PTPN23: variants seen among roughly 807,000 people sequenced by gnomAD.
The protein encoded by PTPN23 is tyrosine-protein phosphatase non-receptor type 23.
Under a neutral mutation model 156.3 loss-of-function variants are expected in PTPN23, and 72 were observed. That is an observed-to-expected ratio of 0.46 (90% CI 0.38 to 0.56). PTPN23 has a LOEUF of 0.56. Among genes scored for constraint, PTPN23 ranks in the 20% least tolerant of loss-of-function variants. The pLI, the probability that PTPN23 is intolerant of heterozygous loss-of-function variation, is 0.00. For synonymous variants in PTPN23, 957 were observed against 899.6 expected, an observed-to-expected ratio of 1.06 and a Z score of -1.14; for missense variants, 1,974 against 2,171.5, an observed-to-expected ratio of 0.91 and a Z score of 1.81.
chr3:47,412,796 C>T lies in PTPN23; in HGVS notation c.4522C>T (p.Arg1508Trp), dbSNP rs931968672. Residue 1508 changes from arginine to tryptophan, a missense_variant, in exon 25 of 25, where the codon CGG becomes TGG. By Grantham distance (101) the Arg-to-Trp change is moderately radical. This residue lies in a region of PTPN23 where 484 missense variants were observed against 516.0 expected (regional missense o/e 0.94). Transcript: ENST00000265562. ...IQATIAKLSI[R>W]PPGGLESPVA... ...GGCCACCATTGCCAAGCTCAGCATT[C>T]GGCCTCCTGGGGGGTTGGAGTCCCC... 18 of 1,613,344 alleles carry T rather than the reference C, an allele frequency of 1.1e-5. No homozygotes were observed. Among genetic ancestry groups the T allele is most frequent in the Admixed American group, 5.0e-5 (3 of 59,986 alleles).
chr3:47,383,629 T>C (rs890241245), intron 1 of PTPN23, among the ~76,000 whole-genome samples: 1 of 152,212 alleles, frequency 6.6e-6, no homozygotes, highest in Admixed American at 6.5e-5. Context: ...CATAAATATA[T>C]GGGAATGCAG....
chr3:47,404,612 C>A (rs747739960), intron 2 of PTPN23, 40 bp from the exon 3 acceptor site: 2 of 1,608,482 alleles, frequency 1.2e-6, no homozygotes, highest in African/African-American at 1.3e-5. Flanking sequence ...TCCACTGCCC[C>A]ATATGACAAC....
chr3:47,413,049 G>A lies in PTPN23; in HGVS notation c.4775G>A (p.Ser1592Asn). ...SLTPEAFSLD[S>N]SLRGKQRMSK... Reference sequence around the variant, plus strand: ...ACCCCAGAGGCCTTCTCCCTGGACAGCTCCCTGCGGGGCAAACAGCGGATG... The same window carrying A: ...ACCCCAGAGGCCTTCTCCCTGGACAACTCCCTGCGGGGCAAACAGCGGATG... Residue 1592 changes from serine (S) to asparagine (N), a missense_variant, in exon 25 of 25, where the codon AGC (serine) becomes AAC (asparagine). Transcript: ENST00000265562. 2.5e-6 allele frequency: 4 copies of A among 1,612,940 alleles called. No individual in the cohort carries two copies. Among genetic ancestry groups the A allele is most frequent in the East Asian group, 2.2e-5 (1 of 44,882 alleles).
chr3:47,399,267 A>T (rs1704943847), intron 2 of PTPN23, among the ~76,000 whole-genome samples: 1 of 152,088 alleles, frequency 6.6e-6, no homozygotes, highest in Admixed American at 6.5e-5. Context: ...CTACTATGGT[A>T]GGGGCTGAAA....
In PTPN23 at chr3:47,413,415, A is replaced by G; in HGVS notation, c.*230A>G. On this transcript the variant is annotated 3_prime_UTR_variant, in exon 25 of 25. Transcript: ENST00000265562. Reference sequence around the variant, plus strand: ...TTTTTCAGCTCTTTGCTATTGAAATAATAAACCACCCTGTTCTGTGGCCCG... The same window carrying G: ...TTTTTCAGCTCTTTGCTATTGAAATGATAAACCACCCTGTTCTGTGGCCCG... The G allele has an allele frequency of 1.7e-6, 1 of 590,392 alleles. No homozygotes were observed. The highest frequency in any genetic ancestry group is 2.9e-6 in the Non-Finnish European group (1 of 345,774). The allele number at this position is 590,392 out of a possible 1,614,324, so 36.6% of individuals were successfully genotyped here.
intron 1 of PTPN23, among the ~76,000 whole-genome samples, chr3:47,389,479 G>A (rs2107695535): frequency 6.6e-6 from 1 of 152,244 alleles, no homozygotes; most frequent in Non-Finnish European, 1.5e-5. Flanking sequence ...CTGGGGCCAG[G>A]CATGGTAGCT....
At chr3:47,389,363 C>A (rs1289519299) in intron 1 of PTPN23, among the ~76,000 whole-genome samples, 1 of 152,154 alleles carries the variant, frequency 6.6e-6, no homozygotes, top group African/African-American at 2.4e-5. Flanking sequence ...GTAATCCCAG[C>A]GCTTTGGGAT....
At position 47,410,285 on chromosome 3, in the gene PTPN23, G is replaced by A. The variant is rs146159228; in HGVS notation, c.2487G>A (p.Pro829=). The A allele has an allele frequency of 1.9e-4, 306 of 1,606,094 alleles. No homozygotes were observed. The highest frequency in any genetic ancestry group is 2.5e-4 in the Non-Finnish European group (292 of 1,176,130). The change falls in exon 20 of 25, where the codon CCG becomes CCA. Residue 829 remains proline, a synonymous_variant. Coordinates refer to ENST00000265562, the MANE Select transcript of PTPN23 (RefSeq NM_015466.4). The stretch of plus-strand genomic sequence containing the variant: ...TCTACCCAGCCCCTGCCTACACACC[G>A]GAGCTGGGCCTTGTGCCCCGATCCT... ...PALYPAPAYT[P]ELGLVPRSSP...
At chr3:47,402,644 G>A (rs970765165) in intron 2 of PTPN23, among the ~76,000 whole-genome samples, 7 of 152,076 alleles carry the variant, frequency 4.6e-5, no homozygotes, top group Admixed American at 4.6e-4. Context: ...GATAATCACG[G>A]TTAACATTAT....
chr3:47,398,551 A>G (rs1436959543), intron 2 of PTPN23, among the ~76,000 whole-genome samples: 1 of 151,874 alleles, frequency 6.6e-6, no homozygotes, highest in Non-Finnish European at 1.5e-5. Context: ...TCAGCCTGAA[A>G]TGTAAACTTA....
Position 47,410,877 on chromosome 3 carries a change from C to G in PTPN23, c.3079C>G (p.Leu1027Val). Residue 1027 changes from leucine (L) to valine (V), a missense_variant, in exon 20 of 25, where the codon CTG becomes GTG. This residue lies in a region of PTPN23 where 731 missense variants were observed against 669.1 expected (regional missense o/e 1.09). Coordinates refer to ENST00000265562, the MANE Select transcript of PTPN23 (RefSeq NM_015466.4). ...QLYPGPAQDPLPAHSGALPFP... is the reference protein window; with the variant it reads ...QLYPGPAQDPVPAHSGALPFP... The stretch of plus-strand genomic sequence containing the variant: ...CTACCCAGGTCCCGCTCAAGACCCT[C>G]TGCCAGCCCACTCAGGGGCTCTGCC... 6.2e-7 allele frequency: 1 copy of G among 1,611,460 alleles called. No individual in the cohort carries two copies. Among genetic ancestry groups the G allele is most frequent in the Non-Finnish European group, 8.5e-7 (1 of 1,178,804 alleles).
chr3:47,393,396 AC>A (rs1310237439), intron 1 of PTPN23, among the ~76,000 whole-genome samples: 1 of 151,638 alleles, frequency 6.6e-6, no homozygotes, highest in Admixed American at 6.6e-5. Context: ...CAAGTGATCC[AC>A]CTGCCTTGGC....
At position 47,404,647 on chromosome 3, in the gene PTPN23, C is replaced by T. The variant is rs776696096; in HGVS notation, c.160-5C>T. The T allele has an allele frequency of 5.6e-5, 91 of 1,613,340 alleles. No homozygotes were observed. Among genetic ancestry groups the T allele is most frequent in the Non-Finnish European group, 7.1e-5 (84 of 1,179,620 alleles). On this transcript the variant is annotated splice_polypyrimidine_tract_variant and splice_region_variant and intron_variant, in intron 2 of 24. Coordinates refer to ENST00000265562, the MANE Select transcript of PTPN23 (RefSeq NM_015466.4). ...CAGGCCTGCTTCTCCCATCCTGCCC[C>T]CCAGAATGCTGTCCGTGTCCCACGA...
chr3:47,402,357 G>GC (rs1265478515), intron 2 of PTPN23, among the ~76,000 whole-genome samples: 5 of 152,028 alleles, frequency 3.3e-5, no homozygotes, highest in Non-Finnish European at 7.4e-5. Flanking sequence ...TCAGCTCACT[G>GC]CAACTTCTGC....
In PTPN23 at chr3:47,405,832, A is replaced by G; in HGVS notation, c.414+34A>G. 3.8e-6 allele frequency: 6 copies of G among 1,588,934 alleles called. No homozygotes were observed. Among genetic ancestry groups the G allele is most frequent in the Non-Finnish European group, 5.1e-6 (6 of 1,166,166 alleles). ...AGGGGCAGTAGTGGAACATGTGGAC[A>G]TACCAGGGAGGGGCAGCCTCCCAAG... On this transcript the variant is annotated intron_variant, in intron 5 of 24. Coordinates refer to ENST00000265562, the MANE Select transcript of PTPN23 (RefSeq NM_015466.4). The surrounding 1 kb of genome is among the most constrained non-coding windows in gnomAD (Gnocchi z 4.7).
At chr3:47,386,664 T>C (rs953382025) in intron 1 of PTPN23, among the ~76,000 whole-genome samples, 2 of 152,174 alleles carry the variant, frequency 1.3e-5, no homozygotes, top group African/African-American at 4.8e-5. Context: ...ACTAGAGGCC[T>C]AAAAGGCCTC....
Position 47,410,283 on chromosome 3 carries a change from C to G in PTPN23, c.2485C>G (p.Pro829Ala), listed in dbSNP as rs1363197975. The change falls in exon 20 of 25, where the codon CCG (proline) becomes GCG (alanine). Residue 829 changes from proline to alanine, a missense_variant. Around this residue, in one of 4 missense-constraint regions of PTPN23, gnomAD observed 731 missense variants for 669.1 expected, o/e 1.09. Coordinates refer to ENST00000265562, the MANE Select transcript of PTPN23 (RefSeq NM_015466.4). The part of the protein sequence containing the change: ...PALYPAPAYT[P>A]ELGLVPRSSP... ...CCTCTACCCAGCCCCTGCCTACACACCGGAGCTGGGCCTTGTGCCCCGATC... is the reference window on the plus strand; with the variant it reads ...CCTCTACCCAGCCCCTGCCTACACAGCGGAGCTGGGCCTTGTGCCCCGATC... 1 of 1,607,288 alleles carries G rather than the reference C, an allele frequency of 6.2e-7. No homozygotes were observed. Among genetic ancestry groups the G allele is most frequent in the African/African-American group, 1.3e-5 (1 of 74,782 alleles).
chr3:47,410,971 G>C lies in PTPN23; in HGVS notation c.3173G>C (p.Arg1058Thr). The C allele has an allele frequency of 6.2e-7, 1 of 1,603,620 alleles. No homozygotes were observed. The highest frequency in any genetic ancestry group is 8.5e-7 in the Non-Finnish European group (1 of 1,176,556). The stretch of plus-strand genomic sequence containing the variant: ...GCATATGGTCCTGCCCCTTCTACCA[G>C]ACCCATGGGCCCCCAGGCAGCCCCT... ...PLAYGPAPST[R>T]PMGPQAAPLT... The change falls in exon 20 of 25, where the codon AGA becomes ACA. Residue 1058 changes from arginine (R) to threonine (T), a missense_variant. This residue lies in a region of PTPN23 where 731 missense variants were observed against 669.1 expected (regional missense o/e 1.09). Coordinates refer to ENST00000265562, the MANE Select transcript of PTPN23 (RefSeq NM_015466.4).
At chr3:47,381,381 G>A (rs1048614950) in intron 1 of PTPN23, among the ~76,000 whole-genome samples, 1 of 152,144 alleles carries the variant, frequency 6.6e-6, no homozygotes, top group African/African-American at 2.4e-5. Flanking sequence ...CGATAGCCCC[G>A]TGCTAGCACC....
Sources: gnomAD v4.1 joint callset for allele counts (sites outside exome capture counted in the v4.1 genomes callset) on GRCh38, gnomAD v4.1.1 for gene constraint, gnomAD v4.1.1 regional missense constraint, Gnocchi (gnomAD v3.1) non-coding constraint, MANE v1.5 for transcripts, NCBI Gene and HGNC (gene_info 2026-07-23, HGNC 2026-07-21) for gene names.